NOTCH2NLC: variants seen among roughly 807,000 people sequenced by gnomAD.
NOTCH2NLC encodes notch 2 N-terminal like C, also known as notch homolog 2 N-terminal-like protein C.
A neutral mutation model predicts 17.7 loss-of-function variants in NOTCH2NLC; 4 were observed. The observed-to-expected ratio is 0.23, with a 90% confidence interval of 0.11 to 0.52. NOTCH2NLC has a LOEUF of 0.52. NOTCH2NLC is among the 20% of genes least tolerant of loss of function. The pLI, the probability that NOTCH2NLC is intolerant of heterozygous loss-of-function variation, is 0.96. For synonymous variants in NOTCH2NLC, 18 were observed against 86.0 expected (o/e 0.21, Z 4.38); for missense variants, 57 against 207.2 (o/e 0.28, Z 4.45).
intron 3 of NOTCH2NLC, among the ~76,000 whole-genome samples, chr1:149,462,076 A>G (rs1465639216): frequency 7.0e-6 from 1 of 141,866 alleles, no homozygotes; most frequent in East Asian, 2.1e-4. Context: ...GCACATATAT[A>G]CATATGTAAC....
In NOTCH2NLC at chr1:149,471,294, GAT is replaced by G; in HGVS notation, c.*7145_*7146del. ...TGTACTGTCTTTTCACATTCTTGAT[GAT>G]ATACTTTTCAGCCCAAATGTTTTTA... is the stretch of plus-strand genomic sequence containing the variant. On this transcript the variant is annotated 3_prime_UTR_variant, in exon 5 of 5. Transcript: ENST00000650865. 6.6e-6 allele frequency among the ~76,000 whole-genome samples: 1 copy of G among 150,622 alleles called. No individual in the cohort carries two copies. The highest frequency in any genetic ancestry group is 2.4e-5 in the African/African-American group (1 of 41,018).
chr1:149,433,712 G>A (rs1254814023), intron 2 of NOTCH2NLC, among the ~76,000 whole-genome samples: 1 of 148,018 alleles, frequency 6.8e-6, no homozygotes, highest in African/African-American at 2.5e-5. Flanking sequence ...TGGACTGTTG[G>A]GCTGCTAGTC....
At chr1:149,417,264 C>T (rs2084341357) in intron 1 of NOTCH2NLC, among the ~76,000 whole-genome samples, 1 of 150,220 alleles carries the variant, frequency 6.7e-6, no homozygotes. Flanking sequence ...TGCCCGCCAC[C>T]ACGCCCGCTA....
intron 1 of NOTCH2NLC, among the ~76,000 whole-genome samples, chr1:149,399,307 C>G (rs1459423936): frequency 1.4e-5 from 2 of 147,904 alleles, no homozygotes; most frequent in African/African-American, 5.0e-5. Flanking sequence ...TTAACGGGTA[C>G]CTAGCAGGGA....
At chr1:149,460,822 C>G (rs1324948045) in intron 3 of NOTCH2NLC, among the ~76,000 whole-genome samples, 1 of 148,564 alleles carries the variant, frequency 6.7e-6, no homozygotes, top group African/African-American at 2.5e-5. Context: ...ATATGGAAAC[C>G]AAATTCAGGG....
intron 1 of NOTCH2NLC, among the ~76,000 whole-genome samples, chr1:149,393,204 T>TG (rs2084185418): frequency 6.6e-6 from 1 of 150,420 alleles, no homozygotes; most frequent in Admixed American, 6.6e-5. Context: ...GCTGAGGTGC[T>TG]GCGATTATTA....
At chr1:149,460,937 CTCTT>C (rs2084646020) in intron 3 of NOTCH2NLC, among the ~76,000 whole-genome samples, 1 of 138,372 alleles carries the variant, frequency 7.2e-6, no homozygotes, top group Non-Finnish European at 1.6e-5. Context: ...CTCTTTCTCT[CTCTT>C]TCCCTCTCTC....
chr1:149,426,576 C>CTTTTTTTT (rs1224339764), intron 1 of NOTCH2NLC, among the ~76,000 whole-genome samples: 4 of 104,446 alleles, frequency 3.8e-5, no homozygotes, highest in Non-Finnish European at 3.8e-5. Flanking sequence ...TTCTTTTTGC[C>CTTTTTTTT]TTTTTTTTTT....
chr1:149,415,952 T>C lies in NOTCH2NLC; in HGVS notation c.136-14990T>C, dbSNP rs2084332648. Among the ~76,000 whole-genome samples, 2 of 150,992 alleles carry C rather than the reference T, an allele frequency of 1.3e-5. 1 individual carries two copies. Among genetic ancestry groups the C allele is most frequent in the East Asian group, 4.0e-4 (2 of 5,036 alleles). Reference sequence around the variant, plus strand: ...GACTTATTATAGTTTAAAACTTTAATTTATCTCCCATTTCAAGATCCATGT... The same window carrying C: ...GACTTATTATAGTTTAAAACTTTAACTTATCTCCCATTTCAAGATCCATGT... On this transcript the variant is annotated intron_variant, in intron 1 of 4. Coordinates refer to ENST00000650865, the MANE Select transcript of NOTCH2NLC (RefSeq NM_001364013.2).
intron 1 of NOTCH2NLC, among the ~76,000 whole-genome samples, chr1:149,414,576 A>G (rs1458345068): frequency 6.6e-6 from 1 of 150,940 alleles, no homozygotes. Flanking sequence ...AAGTAAATAC[A>G]TATTTATACA....
rs1194021985 is a variant in NOTCH2NLC at position 149,399,860 on chromosome 1, C to T, written c.135+8938C>T. On this transcript the variant is annotated intron_variant, in intron 1 of 4. Coordinates refer to ENST00000650865, the MANE Select transcript of NOTCH2NLC (RefSeq NM_001364013.2). ...ATTGAAACAGTTTAAGGTAGGTTTA[C>T]GTAGCAACAGAATTATTCGTTATGT... Among the ~76,000 whole-genome samples the T allele has an allele frequency of 3.0e-4, 44 of 148,222 alleles. 1 individual carries two copies. The highest frequency in any genetic ancestry group is 8.7e-4 in the African/African-American group (35 of 40,288).
intron 3 of NOTCH2NLC, among the ~76,000 whole-genome samples, chr1:149,459,510 ACT>A (rs1457034755): frequency 7.7e-5 from 4 of 52,222 alleles, no homozygotes; most frequent in Non-Finnish European, 1.6e-4. Context: ...GCCAGAGGAA[ACT>A]CTGGTGGAGG....
chr1:149,429,628 C>T (rs2084432707), intron 1 of NOTCH2NLC, among the ~76,000 whole-genome samples: 1 of 151,294 alleles, frequency 6.6e-6, no homozygotes, highest in African/African-American at 2.4e-5. Flanking sequence ...GGATGGGATG[C>T]ATTTTCTGTA....
At position 149,395,546 on chromosome 1, in the gene NOTCH2NLC, C is replaced by G. The variant is rs1343446292; in HGVS notation, c.135+4624C>G. Among the ~76,000 whole-genome samples the G allele has an allele frequency of 3.3e-5, 5 of 150,682 alleles. 1 individual carries two copies. Among genetic ancestry groups the G allele is most frequent in the Non-Finnish European group, 7.4e-5 (5 of 67,464 alleles). On this transcript the variant is annotated intron_variant, in intron 1 of 4. Transcript: ENST00000650865. ...ACTTCAAAGGCACTGCCACCCACCC[C>G]CTGCCTCTCACTCAAGTTTGCTTCC...
At chr1:149,419,198 A>G (rs1184869089) in intron 1 of NOTCH2NLC, among the ~76,000 whole-genome samples, 1 of 148,828 alleles carries the variant, frequency 6.7e-6, no homozygotes, top group Non-Finnish European at 1.5e-5. Flanking sequence ...AATTTAATAT[A>G]TTGGAATTTA....
intron 1 of NOTCH2NLC, among the ~76,000 whole-genome samples, chr1:149,412,782 C>T (rs1197766393): frequency 1.1e-5 from 1 of 92,604 alleles, no homozygotes; most frequent in Non-Finnish European, 2.0e-5. Context: ...CATTGCACTC[C>T]AACCTGGGCA....
At chr1:149,447,238 ATTACTCCCC>A (rs1455500477) in intron 2 of NOTCH2NLC, among the ~76,000 whole-genome samples, 3 of 150,762 alleles carry the variant, frequency 2.0e-5, no homozygotes, top group Non-Finnish European at 3.0e-5. Context: ...TGTCTTACCT[ATTACTCCCC>A]TTTCTTCCCA....
chr1:149,446,835 CA>C (rs1404486298), intron 2 of NOTCH2NLC, among the ~76,000 whole-genome samples: 2 of 111,566 alleles, frequency 1.8e-5, no homozygotes, highest in Admixed American at 1.9e-4. Flanking sequence ...ATTGAAGAGA[CA>C]GTTATGAAAA....
chr1:149,408,895 T>A (rs2084283563), intron 1 of NOTCH2NLC: 1 of 923,488 alleles, frequency 1.1e-6, no homozygotes, highest in African/African-American at 1.8e-5. Flanking sequence ...ATCAACAAAA[T>A]GCCAAGTGGA....
Sources: gnomAD v4.1 joint callset for allele counts (sites outside exome capture counted in the v4.1 genomes callset) on GRCh38, gnomAD v4.1.1 for gene constraint, MANE v1.5 for transcripts, NCBI Gene and HGNC (gene_info 2026-07-23, HGNC 2026-07-21) for gene names.